The following PTPRT variants were observed in gnomAD, a reference collection of about 807,000 sequenced individuals.
PTPRT encodes protein tyrosine phosphatase receptor type T.
In PTPRT, 56 loss-of-function variants were observed where a neutral mutation model predicts 176.8. That is an observed-to-expected ratio of 0.32 (90% CI 0.26 to 0.40). The LOEUF (loss-of-function observed/expected upper bound fraction) is 0.40. Ranked by LOEUF, PTPRT falls within the 10% of genes least tolerant of loss-of-function variation. The probability of loss-of-function intolerance (pLI) is 1.00; values close to 1 mark genes in which losing one functional copy is unlikely to be tolerated. For missense variants in PTPRT, 1,540 were observed against 1,908.2 expected (o/e 0.81, Z 3.60); for synonymous variants, 783 against 739.0 (o/e 1.06, Z -0.96).
intron 1 of PTPRT, among the ~76,000 whole-genome samples, chr20:42,906,959 G>T (rs368666777): frequency 6.6e-6 from 1 of 151,818 alleles, no homozygotes; most frequent in Non-Finnish European, 1.5e-5. Flanking sequence ...CAAAATTACC[G>T]CATCTAACAA....
intron 2 of PTPRT, among the ~76,000 whole-genome samples, chr20:42,874,437 C>T (rs1016191469): frequency 5.0e-5 from 7 of 139,244 alleles, no homozygotes; most frequent in African/African-American, 2.0e-4. Context: ...GACATCCTCT[C>T]CTCAAAAAAA....
chr20:43,127,266 AC>A (rs2146370794), intron 1 of PTPRT, among the ~76,000 whole-genome samples: 1 of 152,046 alleles, frequency 6.6e-6, no homozygotes, highest in South Asian at 2.1e-4. Flanking sequence ...TACTAAAAAT[AC>A]AAAAAATTAG....
At chr20:42,599,967 C>T (rs2073746791) in intron 7 of PTPRT, among the ~76,000 whole-genome samples, 1 of 152,128 alleles carries the variant, frequency 6.6e-6, no homozygotes, top group Admixed American at 6.5e-5. Flanking sequence ...AAGCTTACTA[C>T]ATCACTCTTT....
intron 1 of PTPRT, among the ~76,000 whole-genome samples, chr20:42,896,141 C>G (rs1335355178): frequency 3.3e-5 from 5 of 152,070 alleles, no homozygotes; most frequent in African/African-American, 1.2e-4. Flanking sequence ...AGTAGTACTT[C>G]CACTTTATAG....
chr20:43,140,814 A>C lies in PTPRT; in HGVS notation c.88+48832T>G, dbSNP rs541306139. Among the ~76,000 whole-genome samples, 13 of 152,294 alleles carry C rather than the reference A, an allele frequency of 8.5e-5. No homozygotes were observed. The South Asian group carries it at 2.7e-3, about 32-fold the overall frequency. On this transcript the variant is annotated intron_variant, in intron 1 of 30. Transcript: ENST00000373187. ...ATTATCTTTTACAATGCTGAATCCA[A>C]GCAGTTTATAGTTTTCAGTCAATTA... is the stretch of plus-strand genomic sequence containing the variant.
At chr20:42,210,988 G>A (rs1372018802) in intron 15 of PTPRT, among the ~76,000 whole-genome samples, 2 of 151,860 alleles carry the variant, frequency 1.3e-5, no homozygotes, top group Non-Finnish European at 2.9e-5. Flanking sequence ...CAGAAATAAC[G>A]CCGCATATCT....
chr20:43,180,051 A>C (rs923203180), intron 1 of PTPRT, among the ~76,000 whole-genome samples: 1 of 152,186 alleles, frequency 6.6e-6, no homozygotes, highest in Non-Finnish European at 1.5e-5. Context: ...GCCCTCCCCA[A>C]TGTGGGTGGG....
At chr20:42,455,918 A>G (rs1399542178) in intron 8 of PTPRT, among the ~76,000 whole-genome samples, 1 of 152,008 alleles carries the variant, frequency 6.6e-6, no homozygotes, top group Non-Finnish European at 1.5e-5. Context: ...TTTTCTCTTT[A>G]CATAAACATT....
chr20:42,325,361 T>A (rs1420500677), intron 11 of PTPRT, among the ~76,000 whole-genome samples: 1 of 152,170 alleles, frequency 6.6e-6, no homozygotes, highest in Non-Finnish European at 1.5e-5. Context: ...TGAATTGCAT[T>A]TGATACATTT....
chr20:42,086,753 A>AAAAAAT (rs1983991312), intron 27 of PTPRT, among the ~76,000 whole-genome samples: 4 of 95,550 alleles, frequency 4.2e-5, no homozygotes, highest in Non-Finnish European at 7.9e-5. Flanking sequence ...AAAAAAAAAA[A>AAAAAAT]ATATATATAT....
intron 1 of PTPRT, among the ~76,000 whole-genome samples, chr20:43,124,273 G>C (rs975326656): frequency 9.9e-5 from 15 of 152,224 alleles, no homozygotes; most frequent in Non-Finnish European, 4.4e-5. Context: ...TGAGCTAACA[G>C]AGTAATTCGA....
At chr20:42,434,361 A>AT (rs2059242749) in intron 9 of PTPRT, among the ~76,000 whole-genome samples, 1 of 152,230 alleles carries the variant, frequency 6.6e-6, no homozygotes, top group Admixed American at 6.5e-5. Flanking sequence ...ATTGAACCCT[A>AT]TTTTGTGCCA....
chr20:42,542,041 C>G (rs977855501), intron 7 of PTPRT, among the ~76,000 whole-genome samples: 1 of 152,056 alleles, frequency 6.6e-6, no homozygotes, highest in Non-Finnish European at 1.5e-5. Context: ...ATAAGTCTCA[C>G]AAGATCTGAT....
At chr20:42,912,466 A>ACATTTT (rs755466683) in intron 1 of PTPRT, among the ~76,000 whole-genome samples, 1 of 152,286 alleles carries the variant, frequency 6.6e-6, no homozygotes, top group Non-Finnish European at 1.5e-5. Context: ...CTTATTATCT[A>ACATTTT]CATTTTCAGT....
chr20:42,793,567 C>T (rs757633731), intron 2 of PTPRT, among the ~76,000 whole-genome samples: 1 of 152,114 alleles, frequency 6.6e-6, no homozygotes, highest in Non-Finnish European at 1.5e-5. Context: ...AACAAAGGTG[C>T]GGGTGTCTTT....
intron 1 of PTPRT, among the ~76,000 whole-genome samples, chr20:43,117,945 A>G (rs934437954): frequency 2.0e-5 from 3 of 152,154 alleles, no homozygotes; most frequent in Non-Finnish European, 2.9e-5. Flanking sequence ...AGTAGAGTCA[A>G]CTCAGCCATA....
At chr20:42,560,479 A>G (rs1173541967) in intron 7 of PTPRT, among the ~76,000 whole-genome samples, 2 of 152,202 alleles carry the variant, frequency 1.3e-5, no homozygotes, top group Non-Finnish European at 2.9e-5. Context: ...ACTGTGTGCC[A>G]GTAGCACACT....
chr20:42,767,624 A>T (rs1044755903), intron 5 of PTPRT, among the ~76,000 whole-genome samples: 17 of 149,866 alleles, frequency 1.1e-4, no homozygotes, highest in Non-Finnish European at 1.5e-4. Flanking sequence ...AACACTTATT[A>T]AAAAAACTAT....
chr20:42,295,648 GAGAA>G (rs2057376251), intron 12 of PTPRT, among the ~76,000 whole-genome samples: 1 of 152,170 alleles, frequency 6.6e-6, no homozygotes, highest in South Asian at 2.1e-4. Context: ...GAGAGAGAGA[GAGAA>G]AGAGGAAGAA....
Sources: allele counts gnomAD v4.1 joint callset (sites outside exome capture counted in the v4.1 genomes callset), GRCh38; gene constraint gnomAD v4.1.1; transcripts MANE v1.5; gene names NCBI Gene and HGNC (gene_info 2026-07-23, HGNC 2026-07-21).